COL11A1: variants seen among roughly 807,000 people sequenced by gnomAD.
COL11A1 encodes collagen type XI alpha 1 chain.
In COL11A1, 74 loss-of-function variants were observed where a neutral mutation model predicts 265.2. The observed-to-expected ratio is 0.28, with a 90% CI of 0.23 to 0.34. The LOEUF (loss-of-function observed/expected upper bound fraction) is 0.34. Among genes scored for constraint, COL11A1 ranks in the 10% least tolerant of loss-of-function variants. COL11A1 has a pLI of 1.00. For missense variants in COL11A1, 2,165 were observed against 2,263.6 expected (o/e 0.96, Z 0.88); for synonymous variants, 816 against 727.6 (o/e 1.12, Z -1.96).
chr1:102,992,971 AT>A (rs200032148), intron 28 of COL11A1, among the ~76,000 whole-genome samples: 1,864 of 151,044 alleles, frequency 0.012, 47 homozygotes, highest in African/African-American at 0.043. Context: ...AATGTATCTT[AT>A]TTTTTTTTCC....
intron 1 of COL11A1, 39 bp downstream of exon 1, chr1:103,108,034 A>T (rs763290446): frequency 1.3e-6 from 2 of 1,491,040 alleles, no homozygotes; most frequent in Non-Finnish European, 1.9e-6. Flanking sequence ...AGTAGGACCG[A>T]CGGCAATCTC....
chr1:102,878,273 G>A (rs1488320848), intron 66 of COL11A1, 108 bp from the exon 67 acceptor site: 3 of 1,012,602 alleles, frequency 3.0e-6, no homozygotes, highest in South Asian at 1.6e-5. Context: ...AGAGAGAAGA[G>A]AATAGAAAAA....
chr1:102,975,562 A>G (rs553299315), intron 35 of COL11A1, among the ~76,000 whole-genome samples: 1 of 152,242 alleles, frequency 6.6e-6, no homozygotes, highest in Non-Finnish European at 1.5e-5. Context: ...AATTAACTAT[A>G]TTATTCATCT....
intron 1 of COL11A1, among the ~76,000 whole-genome samples, chr1:103,099,216 T>C (rs1430382102): frequency 2.0e-5 from 3 of 151,734 alleles, no homozygotes; most frequent in African/African-American, 7.2e-5. Context: ...GATAGCAATA[T>C]AGTATAAAAA....
chr1:102,973,891 A>T (rs1193228904), intron 36 of COL11A1, among the ~76,000 whole-genome samples: 1 of 152,224 alleles, frequency 6.6e-6, no homozygotes, highest in Non-Finnish European at 1.5e-5. Context: ...AAAATAAATA[A>T]TTCACCAATA....
At chr1:103,006,819 C>T (rs541630822) in intron 15 of COL11A1, among the ~76,000 whole-genome samples, 1 of 152,004 alleles carries the variant, frequency 6.6e-6, no homozygotes, top group Admixed American at 6.6e-5. Context: ...TGAGCCACCG[C>T]GCCCGGCCCT....
chr1:103,016,831 C>T (rs867703315), intron 11 of COL11A1, among the ~76,000 whole-genome samples: 6 of 151,868 alleles, frequency 4.0e-5, no homozygotes, highest in Middle Eastern at 3.4e-3. Flanking sequence ...TTTTAAAATC[C>T]TAACAAATCT....
At chr1:102,901,268 C>T (rs1028564338) in intron 54 of COL11A1, among the ~76,000 whole-genome samples, 3 of 149,808 alleles carry the variant, frequency 2.0e-5, no homozygotes, top group Non-Finnish European at 4.4e-5. Context: ...TGCAGTGAGC[C>T]GAGATTGCAC....
intron 1 of COL11A1, among the ~76,000 whole-genome samples, chr1:103,098,328 C>T (rs1673956289): frequency 6.6e-6 from 1 of 151,820 alleles, no homozygotes; most frequent in South Asian, 2.1e-4. Context: ...CTTCCAGTGC[C>T]TAGTTATACA....
chr1:102,988,173 C>A (rs1019037047), intron 29 of COL11A1, among the ~76,000 whole-genome samples: 3 of 152,074 alleles, frequency 2.0e-5, no homozygotes, highest in African/African-American at 7.2e-5. Context: ...TTTCTGACAA[C>A]CAGCTGACTC....
intron 28 of COL11A1, among the ~76,000 whole-genome samples, chr1:102,992,363 T>G (rs1243159277): frequency 6.6e-6 from 1 of 152,082 alleles, no homozygotes; most frequent in Non-Finnish European, 1.5e-5. Flanking sequence ...GCTGTGTTGC[T>G]CCAGACTTAA....
At chr1:102,945,891 G>A (rs540826383) in intron 42 of COL11A1, among the ~76,000 whole-genome samples, 97 of 151,102 alleles carry the variant, frequency 6.4e-4, no homozygotes, top group Admixed American at 2.6e-3. Flanking sequence ...TGTTTATTGC[G>A]GCACTATTCA....
rs542900262 is a variant in COL11A1, at chr1:102,876,829, A to T, written c.*1190T>A. 1.2e-4 allele frequency: 19 copies of T among 152,380 alleles called. No homozygotes were observed. The highest frequency in any genetic ancestry group is 1.1e-3 in the Admixed American group (17 of 15,274). 9.4% of individuals were successfully genotyped at this position (152,380 alleles called of 1,614,324 possible). A position where few individuals can be genotyped will look rare whatever the true frequency, so the allele number is the denominator to read the frequency against. ...AGTTTAGATTTTCCTGAATGACTTA[A>T]AACAAATACTCTTAATAACAGTCCA... On this transcript the variant is annotated 3_prime_UTR_variant, in exon 67 of 67. Transcript: ENST00000370096.
chr1:103,108,098 G>A lies in COL11A1; in HGVS notation c.81C>T (p.Leu27=), dbSNP rs1027288806. ...FTVTTLALTF[L]FQAREVRGAA... ...CTCCTCTGACCTCTCTAGCTTGGAAGAGGAAGGTCAATGCGAGGGTTGTTA... is the reference window on the plus strand; with the variant it reads ...CTCCTCTGACCTCTCTAGCTTGGAAAAGGAAGGTCAATGCGAGGGTTGTTA... Residue 27 remains leucine, a synonymous_variant, in exon 1 of 67, where the codon CTC becomes CTT. Coordinates refer to ENST00000370096, the MANE Select transcript of COL11A1 (RefSeq NM_001854.4). 6.2e-7 allele frequency: 1 copy of A among 1,613,828 alleles called. No homozygotes were observed. The highest frequency in any genetic ancestry group is 8.5e-7 in the Non-Finnish European group (1 of 1,179,954).
rs546318607 is a variant in COL11A1, at chr1:103,037,015, A to ATCTCACTAT, written c.652-5780_652-5772dup. Among the ~76,000 whole-genome samples the ATCTCACTAT allele has an allele frequency of 8.9e-5, 13 of 145,298 alleles. No homozygotes were observed. The South Asian group carries it at 2.7e-3, about 31-fold the overall frequency. ...TGAATGTCACATGCATTGCAAAAGG[A>ATCTCACTAT]TCTCACTATTTTTTTTATCAAAATC... On this transcript the variant is annotated intron_variant, in intron 4 of 66. Transcript: ENST00000370096.
chr1:103,044,148 G>T (rs1669055701), intron 4 of COL11A1, among the ~76,000 whole-genome samples: 1 of 150,142 alleles, frequency 6.7e-6, no homozygotes, highest in Non-Finnish European at 1.5e-5. Flanking sequence ...AATTTGCCAA[G>T]GCATTAACTC....
chr1:103,101,313 C>CA (rs898416370), intron 1 of COL11A1, among the ~76,000 whole-genome samples: 4 of 151,824 alleles, frequency 2.6e-5, no homozygotes, highest in African/African-American at 9.7e-5. Context: ...CATTTGCATG[C>CA]AAAAGGAAGA....
intron 1 of COL11A1, among the ~76,000 whole-genome samples, chr1:103,103,762 C>T (rs200641235): frequency 1.4e-4 from 2 of 14,654 alleles, no homozygotes; most frequent in African/African-American, 1.4e-4. Flanking sequence ...CAACAGATAT[C>T]ATGGTAGTCC....
At chr1:102,948,240 T>G (rs1177841275) in intron 41 of COL11A1, among the ~76,000 whole-genome samples, 1 of 152,072 alleles carries the variant, frequency 6.6e-6, no homozygotes, top group Non-Finnish European at 1.5e-5. Flanking sequence ...ACTTTCATCT[T>G]ATTTTATTCT....
Sources: gnomAD v4.1 joint callset for allele counts (sites outside exome capture counted in the v4.1 genomes callset) on GRCh38, gnomAD v4.1.1 for gene constraint, MANE v1.5 for transcripts, NCBI Gene and HGNC (gene_info 2026-07-23, HGNC 2026-07-21) for gene names.